The following AFG1L variants were observed in gnomAD, a reference collection of about 807,000 sequenced individuals.
AFG1L encodes the protein AFG1 like ATPase.
AFG1L carries 53 observed loss-of-function variants against 62.2 expected under a neutral mutation model. The observed-to-expected ratio is 0.85, with a 90% confidence interval of 0.68 to 1.07. The LOEUF (loss-of-function observed/expected upper bound fraction) is 1.07. AFG1L is among the 50% of genes least tolerant of loss of function. AFG1L has a pLI of 0.00. For synonymous variants in AFG1L, 228 were observed against 210.3 expected, an observed-to-expected ratio of 1.08 and a Z score of -0.73; for missense variants, 555 against 590.5, an observed-to-expected ratio of 0.94 and a Z score of 0.62.
At chr6:108,417,698 G>C (rs1967882) in intron 7 of AFG1L, among the ~76,000 whole-genome samples, 100,276 of 151,942 alleles carry the variant, frequency 0.66, 34,957 homozygotes, top group African/African-American at 0.9. Flanking sequence ...TAATAATTGT[G>C]CCTCCTTCAA....
At chr6:108,354,567 A>C (rs924703897) in intron 3 of AFG1L, among the ~76,000 whole-genome samples, 5 of 152,102 alleles carry the variant, frequency 3.3e-5, no homozygotes, top group Non-Finnish European at 5.9e-5. Context: ...GGCCTCCCAA[A>C]GTGCTGGGAT....
chr6:108,454,337 A>G (rs1305068131), intron 8 of AFG1L, among the ~76,000 whole-genome samples: 4 of 152,220 alleles, frequency 2.6e-5, no homozygotes, highest in Non-Finnish European at 5.9e-5. Context: ...ACAAAACAGA[A>G]GATAATAGAG....
intron 6 of AFG1L, among the ~76,000 whole-genome samples, chr6:108,379,497 C>T (rs1309000625): frequency 1.3e-5 from 2 of 152,180 alleles, no homozygotes; most frequent in Non-Finnish European, 2.9e-5. Context: ...GCACAGTGGT[C>T]TGCACTCCTT....
intron 6 of AFG1L, among the ~76,000 whole-genome samples, chr6:108,400,320 G>C (rs1781512076): frequency 6.6e-6 from 1 of 151,842 alleles, no homozygotes; most frequent in Non-Finnish European, 1.5e-5. Context: ...GATACTAGCT[G>C]TGGGTCTGTC....
chr6:108,429,947 GTATT>G (rs1295955708), intron 7 of AFG1L, among the ~76,000 whole-genome samples: 1 of 151,850 alleles, frequency 6.6e-6, no homozygotes, highest in Admixed American at 6.6e-5. Context: ...ATGTTATTAT[GTATT>G]TATTTATTTA....
chr6:108,324,942 C>G (rs939499582), intron 2 of AFG1L, among the ~76,000 whole-genome samples: 8 of 152,282 alleles, frequency 5.3e-5, no homozygotes, highest in African/African-American at 1.9e-4. Flanking sequence ...ATCCACCTGT[C>G]TCGGCCACCC....
intron 8 of AFG1L, among the ~76,000 whole-genome samples, chr6:108,471,691 C>T (rs1772904723): frequency 6.6e-6 from 1 of 151,904 alleles, no homozygotes; most frequent in Non-Finnish European, 1.5e-5. Context: ...GAACTCCTGA[C>T]CTCTTGATCC....
intron 10 of AFG1L, among the ~76,000 whole-genome samples, chr6:108,508,150 G>A (rs1432140470): frequency 6.6e-6 from 1 of 152,208 alleles, no homozygotes; most frequent in East Asian, 1.9e-4. Flanking sequence ...ACAGGAAGAT[G>A]ATGTAATTTG....
intron 7 of AFG1L, among the ~76,000 whole-genome samples, chr6:108,440,205 G>C (rs1771480074): frequency 6.6e-6 from 1 of 152,064 alleles, no homozygotes; most frequent in South Asian, 2.1e-4. Flanking sequence ...TTGAGATGGA[G>C]TCTCATTCTG....
chr6:108,521,811 A>G (rs1775135631), intron 12 of AFG1L: 1 of 153,046 alleles, frequency 6.5e-6, no homozygotes, highest in South Asian at 2.1e-4. Context: ...CTGAAGACTA[A>G]AAACAGCCCT....
chr6:108,479,114 C>A (rs1469940901), intron 10 of AFG1L, among the ~76,000 whole-genome samples: 1 of 152,058 alleles, frequency 6.6e-6, no homozygotes, highest in Non-Finnish European at 1.5e-5. Flanking sequence ...ACCTCAGCCT[C>A]CCTGGTAGGT....
chr6:108,342,089 AG>A, intron 2 of AFG1L, among the ~76,000 whole-genome samples: 1 of 152,266 alleles, frequency 6.6e-6, no homozygotes, highest in Middle Eastern at 3.4e-3. Flanking sequence ...CTGTGGCCTG[AG>A]GGATGGGTCG....
At chr6:108,327,060 G>A (rs919160245) in intron 2 of AFG1L, among the ~76,000 whole-genome samples, 1 of 152,012 alleles carries the variant, frequency 6.6e-6, no homozygotes, top group Non-Finnish European at 1.5e-5. Flanking sequence ...CAGCCTGGAC[G>A]ATATAGGGAG....
intron 11 of AFG1L, among the ~76,000 whole-genome samples, chr6:108,510,773 G>T (rs1407188341): frequency 6.6e-6 from 1 of 152,156 alleles, no homozygotes. Context: ...ATAAATGATT[G>T]CACTGATAGA....
intron 7 of AFG1L, among the ~76,000 whole-genome samples, chr6:108,404,542 T>C (rs1414225657): frequency 1.3e-5 from 2 of 152,040 alleles, no homozygotes; most frequent in African/African-American, 4.8e-5. Flanking sequence ...TGTGTAGGTT[T>C]GTTAATTATG....
At chr6:108,370,529 A>G (rs1439923172) in intron 6 of AFG1L, among the ~76,000 whole-genome samples, 2 of 152,100 alleles carry the variant, frequency 1.3e-5, no homozygotes, top group African/African-American at 4.8e-5. Flanking sequence ...AATATAGCCA[A>G]AGTATCCTAT....
At chr6:108,487,742 TA>T (rs1053883932) in intron 10 of AFG1L, among the ~76,000 whole-genome samples, 1 of 152,044 alleles carries the variant, frequency 6.6e-6, no homozygotes, top group Non-Finnish European at 1.5e-5. Context: ...ATGAGTGGAG[TA>T]AAAGTATTTC....
chr6:108,335,432 G>C (rs140563491), intron 2 of AFG1L, among the ~76,000 whole-genome samples: 1 of 152,342 alleles, frequency 6.6e-6, no homozygotes, highest in African/African-American at 2.4e-5. Flanking sequence ...ATCTGTGTGA[G>C]AGTGTAGGTG....
intron 6 of AFG1L, among the ~76,000 whole-genome samples, chr6:108,368,680 A>G (rs1046145692): frequency 6.6e-6 from 1 of 152,212 alleles, no homozygotes; most frequent in Non-Finnish European, 1.5e-5. Flanking sequence ...ACCTTTAGAC[A>G]TTCAGTGACA....
Sources: allele counts gnomAD v4.1 joint callset (sites outside exome capture counted in the v4.1 genomes callset), GRCh38; gene constraint gnomAD v4.1.1; transcripts MANE v1.5; gene names NCBI Gene and HGNC (gene_info 2026-07-23, HGNC 2026-07-21).